Variants in CBFB observed in about 807,000 individuals in gnomAD.
CBFB encodes the protein core-binding factor subunit beta, also known as CBF-beta.
CBFB carries 9 observed loss-of-function variants against 30.4 expected under a neutral mutation model. The observed-to-expected ratio is 0.30, with a 90% CI of 0.18 to 0.52. The LOEUF is 0.52. CBFB is among the 20% of genes least tolerant of loss of function. CBFB has a pLI of 0.97. For missense variants in CBFB, 170 were observed against 244.0 expected (o/e 0.70, Z 2.02); for synonymous variants, 94 against 84.0 (o/e 1.12, Z -0.65).
At chr16:67,055,310 A>G (rs1446829037) in intron 3 of CBFB, among the ~76,000 whole-genome samples, 3 of 150,562 alleles carry the variant, frequency 2.0e-5, no homozygotes, top group Non-Finnish European at 2.9e-5. Flanking sequence ...ATATGTGTAT[A>G]CGCACACACA....
At chr16:67,096,498 A>G (rs938465185) in intron 5 of CBFB, among the ~76,000 whole-genome samples, 1 of 151,828 alleles carries the variant, frequency 6.6e-6, no homozygotes, top group African/African-American at 2.4e-5. Context: ...TAGTCTCTCT[A>G]TTAAGTAATT....
chr16:67,067,017 G>A (rs1322661823), intron 4 of CBFB: 2 of 334,054 alleles, frequency 6.0e-6, no homozygotes, highest in East Asian at 5.2e-5. Flanking sequence ...ATTCGTATCT[G>A]CTCAGTGGGT....
intron 3 of CBFB, among the ~76,000 whole-genome samples, chr16:67,056,072 G>A (rs1960715154): frequency 6.6e-6 from 1 of 152,204 alleles, no homozygotes; most frequent in South Asian, 2.1e-4. Flanking sequence ...GGAAAAAACA[G>A]CATGTCTCCT....
At chr16:67,040,258 C>T (rs1966507345) in intron 3 of CBFB, among the ~76,000 whole-genome samples, 1 of 152,174 alleles carries the variant, frequency 6.6e-6, no homozygotes, top group Non-Finnish European at 1.5e-5. Flanking sequence ...AATTATTTGC[C>T]TCTGTTCCTT....
intron 3 of CBFB, among the ~76,000 whole-genome samples, chr16:67,058,572 C>CT (rs1345701030): frequency 6.6e-6 from 1 of 152,198 alleles, no homozygotes; most frequent in Non-Finnish European, 1.5e-5. Context: ...TATATCCCCA[C>CT]TGCCCTTATA....
chr16:67,053,248 CTTTTTTTTT>C (rs576629599), intron 3 of CBFB, among the ~76,000 whole-genome samples: 4 of 122,760 alleles, frequency 3.3e-5, no homozygotes, highest in Non-Finnish European at 5.0e-5. Context: ...CACTTTCTCT[CTTTTTTTTT>C]TTTTTTTTTT....
At chr16:67,033,956 G>A (rs943989971) in intron 2 of CBFB, among the ~76,000 whole-genome samples, 1 of 151,612 alleles carries the variant, frequency 6.6e-6, no homozygotes, top group African/African-American at 2.4e-5. Context: ...AGCCTCCCGA[G>A]TAGCTAGGAT....
At chr16:67,088,162 C>T (rs1961780341) in intron 5 of CBFB, among the ~76,000 whole-genome samples, 2 of 152,310 alleles carry the variant, frequency 1.3e-5, no homozygotes, top group South Asian at 4.1e-4. Flanking sequence ...GACTCCAGCA[C>T]ATGCACTGGC....
At chr16:67,033,772 C>G (rs549390799) in intron 2 of CBFB, among the ~76,000 whole-genome samples, 3 of 150,654 alleles carry the variant, frequency 2.0e-5, no homozygotes, top group Non-Finnish European at 2.9e-5. Flanking sequence ...CCACCACACC[C>G]GGCTAATTTG....
chr16:67,065,180 T>C (rs1298879567), intron 3 of CBFB, among the ~76,000 whole-genome samples: 1 of 152,226 alleles, frequency 6.6e-6, no homozygotes, highest in African/African-American at 2.4e-5. Context: ...ATTACAGGCA[T>C]CAGCCACCGC....
intron 5 of CBFB, among the ~76,000 whole-genome samples, chr16:67,092,134 A>G (rs762746956): frequency 1.3e-5 from 2 of 148,910 alleles, no homozygotes; most frequent in Non-Finnish European, 3.0e-5. Context: ...CCCTGTGTCC[A>G]TGTGTTCTAA....
intron 3 of CBFB, among the ~76,000 whole-genome samples, chr16:67,037,593 C>CA (rs1352275552): frequency 6.7e-6 from 1 of 150,328 alleles, no homozygotes; most frequent in African/African-American, 2.5e-5. Flanking sequence ...GTTAAAGATA[C>CA]AAAAATATAG....
chr16:67,076,697 T>C (rs1961408418), intron 4 of CBFB, among the ~76,000 whole-genome samples: 1 of 152,198 alleles, frequency 6.6e-6, no homozygotes, highest in Admixed American at 6.5e-5. Context: ...GGTTTTTTAA[T>C]ATAATTGTCT....
At chr16:67,036,491 A>G (rs1216948044) in intron 2 of CBFB, 148 bp from the exon 3 acceptor site, 8 of 567,154 alleles carry the variant, frequency 1.4e-5, no homozygotes, top group Admixed American at 5.9e-5. Context: ...ATACTTAAGA[A>G]AAATGATGAG....
At chr16:67,098,549 A>C (rs1179401756) in intron 5 of CBFB, among the ~76,000 whole-genome samples, 161 bp from the exon 6 acceptor site, 4 of 152,148 alleles carry the variant, frequency 2.6e-5, no homozygotes, top group Non-Finnish European at 5.9e-5. Context: ...TGTCAGACAT[A>C]ATTTTAATTG....
intron 5 of CBFB, among the ~76,000 whole-genome samples, chr16:67,087,973 A>G (rs1161396277): frequency 2.6e-5 from 4 of 152,144 alleles, no homozygotes. Context: ...TTGGCTAACA[A>G]GAACATCCTT....
chr16:67,034,915 T>G (rs1966415176), intron 2 of CBFB, among the ~76,000 whole-genome samples: 1 of 152,204 alleles, frequency 6.6e-6, no homozygotes, highest in Non-Finnish European at 1.5e-5. Context: ...TAGCATTTAC[T>G]TGGTACTGTT....
intron 2 of CBFB, among the ~76,000 whole-genome samples, chr16:67,031,220 T>A (rs1360020840): frequency 2.0e-5 from 3 of 152,232 alleles, no homozygotes; most frequent in Admixed American, 6.5e-5. Flanking sequence ...CAGGAGCTCC[T>A]GAATATTTGG....
At chr16:67,038,284 GTA>G (rs377342177) in intron 3 of CBFB, among the ~76,000 whole-genome samples, 4,116 of 148,962 alleles carry the variant, frequency 0.028, 180 homozygotes, top group African/African-American at 0.094. Context: ...AATCTTGTGT[GTA>G]TATATATATA....
Sources: allele counts gnomAD v4.1 joint callset (sites outside exome capture counted in the v4.1 genomes callset), GRCh38; gene constraint gnomAD v4.1.1; transcripts MANE v1.5; gene names NCBI Gene and HGNC (gene_info 2026-07-23, HGNC 2026-07-21).